Variants in BBOX1 observed in about 807,000 individuals in gnomAD.
The protein encoded by BBOX1 is gamma-butyrobetaine dioxygenase.
A neutral mutation model predicts 41.6 loss-of-function variants in BBOX1; 35 were observed. That is an observed-to-expected ratio of 0.84 (90% CI 0.64 to 1.11). The LOEUF is 1.11. Ranked by LOEUF, BBOX1 falls within the 50% of genes most tolerant of loss-of-function variation. The pLI is 0.00. For missense variants in BBOX1, 458 were observed against 460.6 expected (o/e 0.99, Z 0.05); for synonymous variants, 163 against 154.7 (o/e 1.05, Z -0.40).
At position 27,055,646 on chromosome 11, in the gene BBOX1, A is replaced by C; in HGVS notation, c.216A>C (p.Lys72Asn). 3.1e-6 allele frequency: 5 copies of C among 1,609,404 alleles called. No individual in the cohort carries two copies. Among genetic ancestry groups the C allele is most frequent in the Non-Finnish European group, 4.3e-6 (5 of 1,176,010 alleles). Reference sequence around the variant, plus strand: ...TTAAAGGCTTGATATTTGACAGAAAAAAGGTAATTATCTCTAAATTATGTC... The same window carrying C: ...TTAAAGGCTTGATATTTGACAGAAACAAGGTAATTATCTCTAAATTATGTC... The part of the protein sequence containing the change: ...IGIKGLIFDR[K>N]KVYITWPDEH... The change falls in exon 3 of 9, where the codon AAA becomes AAC. Residue 72 changes from lysine to asparagine, a missense_variant. Physicochemically the swap from Lys to Asn is moderately conservative, Grantham distance 94. Transcript: ENST00000263182.
At chr11:27,058,357 G>A (rs1181882438) in intron 4 of BBOX1, among the ~76,000 whole-genome samples, 2 of 152,132 alleles carry the variant, frequency 1.3e-5, no homozygotes, top group African/African-American at 4.8e-5. Flanking sequence ...CCAGTCTCAG[G>A]TATTTCCTTA....
intron 2 of BBOX1, 81 bp from the exon 3 acceptor site, chr11:27,055,312 C>A: frequency 1.1e-6 from 1 of 895,492 alleles, no homozygotes; most frequent in Non-Finnish European, 1.7e-6. Context: ...AGGCCAGAGT[C>A]CACTTGAAGT....
At chr11:27,057,892 G>A (rs763032306) in intron 4 of BBOX1, among the ~76,000 whole-genome samples, 7 of 152,042 alleles carry the variant, frequency 4.6e-5, no homozygotes, top group Non-Finnish European at 1.0e-4. Context: ...ACAGAACAAT[G>A]TTCAGAAAAA....
chr11:27,071,051 A>G (rs1857429217), intron 4 of BBOX1, among the ~76,000 whole-genome samples: 1 of 152,054 alleles, frequency 6.6e-6, no homozygotes, highest in Non-Finnish European at 1.5e-5. Context: ...GCAGGATACA[A>G]AATTCTTGCC....
At chr11:27,074,910 A>G (rs1596255) in intron 4 of BBOX1, among the ~76,000 whole-genome samples, 137,439 of 152,274 alleles carry the variant, frequency 0.9, 62,226 homozygotes, top group East Asian at 0.94. Context: ...TAGCCCCTGT[A>G]GCTGCTTTCA....
chr11:27,082,798 C>T (rs186376461), intron 4 of BBOX1, among the ~76,000 whole-genome samples: 244 of 152,206 alleles, frequency 1.6e-3, no homozygotes, highest in Non-Finnish European at 3.0e-3. Flanking sequence ...CATACACTGC[C>T]ATTTATGGTT....
chr11:27,050,826 T>C (rs183570237), intron 2 of BBOX1, among the ~76,000 whole-genome samples: 30 of 152,210 alleles, frequency 2.0e-4, no homozygotes, highest in Admixed American at 1.5e-3. Context: ...ATGCCTTTCA[T>C]TTCATCTTCT....
At chr11:27,070,582 T>C (rs1031541378) in intron 4 of BBOX1, among the ~76,000 whole-genome samples, 6 of 152,198 alleles carry the variant, frequency 3.9e-5, no homozygotes, top group African/African-American at 1.4e-4. Context: ...AAATAGCTAC[T>C]TCTGCTCGCT....
chr11:27,049,280 G>A (rs567057291), intron 2 of BBOX1, among the ~76,000 whole-genome samples: 1 of 152,190 alleles, frequency 6.6e-6, no homozygotes, highest in East Asian at 1.9e-4. Context: ...TAACAGATGT[G>A]AGATGATCTC....
intron 6 of BBOX1, 123 bp from the exon 7 acceptor site, chr11:27,119,526 C>A: frequency 5.4e-6 from 3 of 558,258 alleles, no homozygotes; most frequent in Non-Finnish European, 7.6e-6. Flanking sequence ...GAATCTTTAA[C>A]ACAGTATCAA....
At chr11:27,100,044 T>A (rs919399928) in intron 5 of BBOX1, among the ~76,000 whole-genome samples, 1 of 152,166 alleles carries the variant, frequency 6.6e-6, no homozygotes, top group African/African-American at 2.4e-5. Context: ...AGCTTTCCAG[T>A]ATCCACTAGA....
intron 2 of BBOX1, among the ~76,000 whole-genome samples, chr11:27,042,773 G>A (rs1055011528): frequency 6.6e-6 from 1 of 152,104 alleles, no homozygotes; most frequent in African/African-American, 2.4e-5. Flanking sequence ...AAGATTTCAA[G>A]TTGAAGAACC....
At chr11:27,071,381 CAA>C (rs573465578) in intron 4 of BBOX1, among the ~76,000 whole-genome samples, 3 of 134,510 alleles carry the variant, frequency 2.2e-5, no homozygotes, top group African/African-American at 2.7e-5. Context: ...GACTCCATCT[CAA>C]AAAAAAAAAA....
At chr11:27,110,840 T>A (rs1414375652) in intron 5 of BBOX1, among the ~76,000 whole-genome samples, 1 of 151,978 alleles carries the variant, frequency 6.6e-6, no homozygotes, top group Non-Finnish European at 1.5e-5. Context: ...AAAGATAATT[T>A]GATGTATATG....
At chr11:27,044,265 T>C (rs1170163390) in intron 2 of BBOX1, among the ~76,000 whole-genome samples, 1 of 152,188 alleles carries the variant, frequency 6.6e-6, no homozygotes, top group Non-Finnish European at 1.5e-5. Flanking sequence ...TCTGTTCATA[T>C]CTTTTGCCCA....
At chr11:27,075,193 C>T (rs1263768806) in intron 4 of BBOX1, among the ~76,000 whole-genome samples, 1 of 152,044 alleles carries the variant, frequency 6.6e-6, no homozygotes, top group Non-Finnish European at 1.5e-5. Flanking sequence ...TTATTGCAGC[C>T]TTATTCAGCT....
Position 27,057,200 on chromosome 11 carries a change from G to A in BBOX1, c.220-1G>A. 1 of 1,579,864 alleles carries A rather than the reference G, an allele frequency of 6.3e-7. No homozygotes were observed. Among genetic ancestry groups the A allele is most frequent in the East Asian group, 2.3e-5 (1 of 44,018 alleles). On this transcript the variant is annotated splice_acceptor_variant, in intron 3 of 8. Transcript: ENST00000263182. LOFTEE classifies it high-confidence loss of function. ...GTGAAATTTGCTTTTTGTGTTATAAGGTGTACATCACATGGCCCGATGAGC... is the reference window on the plus strand; with the variant it reads ...GTGAAATTTGCTTTTTGTGTTATAAAGTGTACATCACATGGCCCGATGAGC...
chr11:27,126,525 A>C (rs1248731120), intron 8 of BBOX1, among the ~76,000 whole-genome samples: 1 of 152,174 alleles, frequency 6.6e-6, no homozygotes, highest in Non-Finnish European at 1.5e-5. Flanking sequence ...TCATGTGTGA[A>C]AAGATGAGAG....
intron 4 of BBOX1, among the ~76,000 whole-genome samples, chr11:27,070,175 G>C (rs1018716202): frequency 4.6e-5 from 7 of 152,034 alleles, no homozygotes; most frequent in African/African-American, 1.4e-4. Context: ...GAAATGTTTT[G>C]TGAACTATTA....
Sources: gnomAD v4.1 joint callset for allele counts (sites outside exome capture counted in the v4.1 genomes callset) on GRCh38, gnomAD v4.1.1 for gene constraint, MANE v1.5 for transcripts, NCBI Gene and HGNC (gene_info 2026-07-23, HGNC 2026-07-21) for gene names.